Variants in ZCCHC17 observed in about 807,000 individuals in gnomAD.
ZCCHC17 encodes zinc finger CCHC domain-containing protein 17.
ZCCHC17 carries 18 observed loss-of-function variants against 30.6 expected under a neutral mutation model. That is an observed-to-expected ratio of 0.59 (90% confidence interval 0.41 to 0.87). The LOEUF (loss-of-function observed/expected upper bound fraction) is 0.87, where lower values mean the gene tolerates loss of function less well. ZCCHC17 is among the 40% of genes least tolerant of loss of function. The probability of loss-of-function intolerance (pLI) is 0.00; values close to 1 mark genes in which losing one functional copy is unlikely to be tolerated. For synonymous variants in ZCCHC17, 88 were observed against 92.4 expected, an observed-to-expected ratio of 0.95 and a Z score of 0.27; for missense variants, 263 against 284.2, an observed-to-expected ratio of 0.93 and a Z score of 0.54.
intron 1 of ZCCHC17, among the ~76,000 whole-genome samples, chr1:31,306,209 A>G (rs531429695): frequency 6.6e-6 from 1 of 152,180 alleles, no homozygotes; most frequent in Non-Finnish European, 1.5e-5. Context: ...TTTCCCCTTG[A>G]GAACTTTCAC....
chr1:31,308,592 A>G (rs1441529504), intron 1 of ZCCHC17, among the ~76,000 whole-genome samples: 1 of 152,240 alleles, frequency 6.6e-6, no homozygotes, highest in Non-Finnish European at 1.5e-5. Context: ...AGAACTGAGG[A>G]TAGTACCATT....
chr1:31,304,309 C>T (rs1292089552), intron 1 of ZCCHC17, among the ~76,000 whole-genome samples: 1 of 150,604 alleles, frequency 6.6e-6, no homozygotes, highest in Non-Finnish European at 1.5e-5. Context: ...GTCTCTGTTG[C>T]CCAGGGTGGA....
intron 4 of ZCCHC17, among the ~76,000 whole-genome samples, chr1:31,338,134 CTTTTTTTT>C (rs745793056): frequency 3.2e-5 from 4 of 126,366 alleles, no homozygotes; most frequent in Non-Finnish European, 1.7e-5. Flanking sequence ...TAAACCTGGC[CTTTTTTTT>C]TTTTTTTTTT....
rs1646176935 is a variant in ZCCHC17, at chr1:31,297,041, A to G, written c.-90A>G. 1.3e-5 allele frequency: 6 copies of G among 452,562 alleles called. No homozygotes were observed. Among genetic ancestry groups the G allele is most frequent in the Non-Finnish European group, 3.9e-6 (1 of 255,766 alleles). The allele number at this position is 452,562 out of a possible 1,614,324, so 28.0% of individuals were successfully genotyped here. ...GCTGACTGGGGTCGGCGTTTAGTTC[A>G]GCGCAGCGACTCGGGGACCTGGAGC... On this transcript the variant is annotated 5_prime_UTR_variant, in exon 1 of 8. Transcript: ENST00000344147.
At chr1:31,346,858 CT>C in intron 6 of ZCCHC17, 118 bp downstream of exon 6, 1 of 1,530,216 alleles carries the variant, frequency 6.5e-7, no homozygotes, top group South Asian at 1.2e-5. Flanking sequence ...AAGTGATGGC[CT>C]TTGCTGTTTT....
intron 5 of ZCCHC17, among the ~76,000 whole-genome samples, chr1:31,339,270 C>T (rs1401029207): frequency 3.3e-5 from 5 of 152,138 alleles, no homozygotes; most frequent in Admixed American, 2.0e-4. Flanking sequence ...CCGAGGTGGG[C>T]GGATCACCTA....
chr1:31,316,534 C>T (rs987452805), intron 2 of ZCCHC17, among the ~76,000 whole-genome samples: 1 of 152,152 alleles, frequency 6.6e-6, no homozygotes, highest in Non-Finnish European at 1.5e-5. Flanking sequence ...CAGAAAGAAG[C>T]GATTTGCTTT....
intron 7 of ZCCHC17, among the ~76,000 whole-genome samples, chr1:31,361,727 C>A (rs1274828106): frequency 6.6e-6 from 1 of 152,152 alleles, no homozygotes; most frequent in Non-Finnish European, 1.5e-5. Flanking sequence ...CTTGTCCAAG[C>A]CTTAGATACT....
At chr1:31,350,354 T>C (rs1184279802) in intron 7 of ZCCHC17, among the ~76,000 whole-genome samples, 2 of 152,156 alleles carry the variant, frequency 1.3e-5, no homozygotes, top group Non-Finnish European at 2.9e-5. Context: ...ATCTTAATTT[T>C]CTGGGTGAGG....
At chr1:31,305,489 C>T (rs964899323) in intron 1 of ZCCHC17, among the ~76,000 whole-genome samples, 5 of 152,176 alleles carry the variant, frequency 3.3e-5, no homozygotes, top group East Asian at 1.9e-4. Flanking sequence ...AGGGTTTTAC[C>T]GTGTTGTCCA....
intron 3 of ZCCHC17, among the ~76,000 whole-genome samples, chr1:31,328,046 G>C (rs1178235695): frequency 6.6e-6 from 1 of 152,210 alleles, no homozygotes; most frequent in Non-Finnish European, 1.5e-5. Context: ...TGGTTGCTAA[G>C]ATCTACCCTA....
At chr1:31,323,418 T>C (rs1296720973) in intron 3 of ZCCHC17, among the ~76,000 whole-genome samples, 1 of 152,094 alleles carries the variant, frequency 6.6e-6, no homozygotes, top group African/African-American at 2.4e-5. Context: ...ACCTCCTGGG[T>C]TCACGCCATT....
chr1:31,311,726 G>C (rs1000353599), intron 2 of ZCCHC17, among the ~76,000 whole-genome samples: 2 of 152,348 alleles, frequency 1.3e-5, no homozygotes, highest in Middle Eastern at 3.4e-3. Flanking sequence ...TTCATGAGGG[G>C]CCTAAGGGCC....
At chr1:31,340,677 T>C (rs1309797946) in intron 5 of ZCCHC17, among the ~76,000 whole-genome samples, 2 of 152,198 alleles carry the variant, frequency 1.3e-5, no homozygotes, top group African/African-American at 4.8e-5. Flanking sequence ...TCTATGTGTG[T>C]CCTCAGGTTA....
intron 3 of ZCCHC17, among the ~76,000 whole-genome samples, chr1:31,324,774 G>A (rs931738933): frequency 1.3e-5 from 2 of 152,200 alleles, no homozygotes; most frequent in African/African-American, 4.8e-5. Context: ...GCCTGCAGGT[G>A]CCCCTGGGCA....
chr1:31,299,603 G>A (rs1566961), intron 1 of ZCCHC17, among the ~76,000 whole-genome samples: 82,559 of 152,024 alleles, frequency 0.54, 23,324 homozygotes, highest in Non-Finnish European at 0.62. Flanking sequence ...CCAGTCAATA[G>A]CTCCCTGGTT....
rs1389399264 is a variant in ZCCHC17, at chr1:31,310,136, C to T, written c.38C>T (p.Pro13Leu). 4 of 1,613,966 alleles carry T rather than the reference C, an allele frequency of 2.5e-6. No homozygotes were observed. The highest frequency in any genetic ancestry group is 1.7e-5 in the Admixed American group (1 of 59,994). ...SGRPETMENL[P>L]ALYTIFQGEV... ...AGGCCTGAGACCATGGAAAACTTGC[C>T]TGCTCTCTACACTATTTTCCAAGGA... Residue 13 changes from proline to leucine, a missense_variant, in exon 2 of 8, where the codon CCT becomes CTT. Coordinates refer to ENST00000344147, the MANE Select transcript of ZCCHC17 (RefSeq NM_016505.4).
chr1:31,353,274 A>G (rs1158509767), intron 7 of ZCCHC17, among the ~76,000 whole-genome samples: 1 of 152,196 alleles, frequency 6.6e-6, no homozygotes, highest in Non-Finnish European at 1.5e-5. Flanking sequence ...CTGGATATCA[A>G]TCCCATCAGA....
chr1:31,352,079 C>T (rs1378231996), intron 7 of ZCCHC17, among the ~76,000 whole-genome samples: 1 of 152,226 alleles, frequency 6.6e-6, no homozygotes, highest in Non-Finnish European at 1.5e-5. Context: ...GTTCTTTCCA[C>T]ATTTGGCCCT....
Sources: allele counts gnomAD v4.1 joint callset (sites outside exome capture counted in the v4.1 genomes callset), GRCh38; gene constraint gnomAD v4.1.1; transcripts MANE v1.5; gene names NCBI Gene and HGNC (gene_info 2026-07-23, HGNC 2026-07-21).